PEBP4: variants seen among roughly 807,000 people sequenced by gnomAD.
PEBP4 encodes the protein phosphatidylethanolamine binding protein 4.
PEBP4 carries 22 observed loss-of-function variants against 23.9 expected under a neutral mutation model. The observed-to-expected ratio is 0.92, with a 90% CI of 0.66 to 1.31. The LOEUF is 1.31. Among genes scored for constraint, PEBP4 ranks in the 40% most tolerant of loss-of-function variants. PEBP4 has a pLI of 0.00. For missense variants in PEBP4, 324 were observed against 281.7 expected (o/e 1.15, Z -1.07); for synonymous variants, 112 against 99.3 (o/e 1.13, Z -0.76).
chr8:22,797,841 G>C (rs1420107365), intron 4 of PEBP4, among the ~76,000 whole-genome samples: 1 of 152,218 alleles, frequency 6.6e-6, no homozygotes, highest in Admixed American at 6.5e-5. Context: ...CAGGTGGTCA[G>C]AGTGAGTGCC....
At chr8:22,747,328 G>A (rs1002966446) in intron 4 of PEBP4, among the ~76,000 whole-genome samples, 36 of 152,206 alleles carry the variant, frequency 2.4e-4, no homozygotes, top group Non-Finnish European at 3.7e-4. Flanking sequence ...TTCCTCAAGT[G>A]CCACTGTGTA....
intron 4 of PEBP4, among the ~76,000 whole-genome samples, chr8:22,771,708 A>G (rs1805720528): frequency 6.6e-6 from 1 of 152,198 alleles, no homozygotes; most frequent in Admixed American, 6.5e-5. Context: ...GCTGCTTTCC[A>G]TAAGACATGC....
At chr8:22,929,858 C>T (rs1225327368), upstream of PEBP4, among the ~76,000 whole-genome samples, 2 of 152,140 alleles carry the variant, frequency 1.3e-5, no homozygotes, top group Admixed American at 6.5e-5. Flanking sequence ...ACAGGCACAC[C>T]ACGGCTCTGG....
At chr8:22,876,530 A>C (rs1808124460) in intron 3 of PEBP4, among the ~76,000 whole-genome samples, 1 of 152,230 alleles carries the variant, frequency 6.6e-6, no homozygotes, top group Non-Finnish European at 1.5e-5. Context: ...TTGAAAAGCA[A>C]GAAACTCAGG....
At chr8:22,806,083 C>T (rs1250347061) in intron 4 of PEBP4, among the ~76,000 whole-genome samples, 2 of 152,190 alleles carry the variant, frequency 1.3e-5, no homozygotes, top group African/African-American at 2.4e-5. Flanking sequence ...CTAGCTAAAA[C>T]TCCTCTTGAT....
chr8:22,716,364 T>A (rs1804419374), intron 6 of PEBP4, among the ~76,000 whole-genome samples: 1 of 152,196 alleles, frequency 6.6e-6, no homozygotes, highest in Non-Finnish European at 1.5e-5. Context: ...TTCAGCGATG[T>A]TCCAGATGGG....
intron 4 of PEBP4, among the ~76,000 whole-genome samples, chr8:22,767,774 A>G (rs1362769578): frequency 6.6e-6 from 1 of 151,722 alleles, no homozygotes; most frequent in African/African-American, 2.4e-5. Flanking sequence ...TTCTTTTTTG[A>G]GATGGAGTTT....
chr8:22,737,439 G>A (rs776431907), intron 4 of PEBP4, among the ~76,000 whole-genome samples: 6 of 152,194 alleles, frequency 3.9e-5, no homozygotes, highest in Non-Finnish European at 7.3e-5. Context: ...CGGAGTGCCC[G>A]TGGTGCGCAG....
At chr8:22,731,572 G>C (rs1804731970) in intron 4 of PEBP4, among the ~76,000 whole-genome samples, 1 of 151,510 alleles carries the variant, frequency 6.6e-6, no homozygotes, top group South Asian at 2.1e-4. Flanking sequence ...GTTGTAGTTG[G>C]ATTTTTGACT....
intron 3 of PEBP4, among the ~76,000 whole-genome samples, chr8:22,827,293 T>TA (rs1163916207): frequency 5.3e-5 from 8 of 152,270 alleles, no homozygotes; most frequent in African/African-American, 1.7e-4. Flanking sequence ...CAATGATTTT[T>TA]AAAAAAATGT....
chr8:22,938,175 G>C (rs974015336), intron 1 of PEBP4, among the ~76,000 whole-genome samples: 5 of 152,038 alleles, frequency 3.3e-5, no homozygotes, highest in Non-Finnish European at 4.4e-5. Flanking sequence ...AAAATCCCAG[G>C]AACTGGTGTT....
At chr8:22,870,977 A>G (rs1274654803) in intron 3 of PEBP4, among the ~76,000 whole-genome samples, 1 of 152,162 alleles carries the variant, frequency 6.6e-6, no homozygotes, top group Non-Finnish European at 1.5e-5. Flanking sequence ...AGGATCCTCT[A>G]CAGATGCACT....
At chr8:22,795,156 T>C (rs1174163965) in intron 4 of PEBP4, among the ~76,000 whole-genome samples, 2 of 36,092 alleles carry the variant, frequency 5.5e-5, no homozygotes, top group Non-Finnish European at 1.1e-4. Context: ...TATATATATA[T>C]ATATATATTT....
chr8:22,851,541 A>G (rs1807550421), intron 3 of PEBP4, among the ~76,000 whole-genome samples: 1 of 152,122 alleles, frequency 6.6e-6, no homozygotes, highest in African/African-American at 2.4e-5. Flanking sequence ...AACTTGCCCA[A>G]GACCACACAG....
intron 4 of PEBP4, among the ~76,000 whole-genome samples, chr8:22,735,628 G>T (rs542092425): frequency 6.6e-6 from 1 of 152,300 alleles, no homozygotes; most frequent in South Asian, 2.1e-4. Context: ...CCCAGGCAAG[G>T]CTTCTTCTCT....
intron 4 of PEBP4, among the ~76,000 whole-genome samples, chr8:22,787,665 T>G (rs752101606): frequency 6.6e-6 from 1 of 152,254 alleles, no homozygotes; most frequent in African/African-American, 2.4e-5. Flanking sequence ...ACATGGCCTC[T>G]ACTCTCAAGT....
chr8:22,927,605 T>C lies in PEBP4; in HGVS notation c.110A>G (p.Asp37Gly). 1 of 1,612,282 alleles carries C rather than the reference T, an allele frequency of 6.2e-7. No individual in the cohort carries two copies. Residue 37 changes from aspartate (D) to glycine (G), a missense_variant, in exon 2 of 7, where the codon GAC becomes GGC. Coordinates refer to ENST00000256404, the MANE Select transcript of PEBP4 (RefSeq NM_144962.3). ...TTACTGGCAAAAGAGGGTGTCCTCG[T>C]CCAAGAGGGCCTCATGGGCACACGG... is the stretch of plus-strand genomic sequence containing the variant. ...NSPCAHEALL[D>G]EDTLFCQGLE... is the part of the protein sequence containing the mutation.
intron 5 of PEBP4, among the ~76,000 whole-genome samples, chr8:22,726,144 C>T (rs979721944): frequency 3.7e-4 from 57 of 152,150 alleles, no homozygotes; most frequent in African/African-American, 1.1e-3. Flanking sequence ...AGTGTGCAAA[C>T]GCCCCGATGC....
intron 3 of PEBP4, among the ~76,000 whole-genome samples, chr8:22,909,896 C>T (rs1808900216): frequency 6.6e-6 from 1 of 152,236 alleles, no homozygotes. Context: ...CAGCAAATAT[C>T]ACCATGTAGT....
Sources: allele counts gnomAD v4.1 joint callset (sites outside exome capture counted in the v4.1 genomes callset), GRCh38; gene constraint gnomAD v4.1.1; transcripts MANE v1.5; gene names NCBI Gene and HGNC (gene_info 2026-07-23, HGNC 2026-07-21).